Variants in TRAPPC9 observed in about 807,000 individuals in gnomAD.
TRAPPC9 encodes the protein IKK2 binding protein.
Under a neutral mutation model 124.0 loss-of-function variants are expected in TRAPPC9, and 83 were observed. That is an observed-to-expected ratio of 0.67 (90% confidence interval 0.56 to 0.80). The LOEUF (loss-of-function observed/expected upper bound fraction) is 0.80. Ranked by LOEUF, TRAPPC9 falls within the 30% of genes least tolerant of loss-of-function variation. TRAPPC9 has a pLI of 0.00. For missense variants in TRAPPC9, 1,302 were observed against 1,508.3 expected, an observed-to-expected ratio of 0.86 and a Z score of 2.27; for synonymous variants, 638 against 617.5, an observed-to-expected ratio of 1.03 and a Z score of -0.49.
At chr8:140,057,428 A>G (rs1489305391) in intron 17 of TRAPPC9, among the ~76,000 whole-genome samples, 1 of 152,262 alleles carries the variant, frequency 6.6e-6, no homozygotes, top group African/African-American at 2.4e-5. Flanking sequence ...CAAGAGGTAG[A>G]AACAACCTCA....
chr8:140,369,161 G>A lies in TRAPPC9; in HGVS notation c.1351+1803C>T, dbSNP rs138156803. Among the ~76,000 whole-genome samples the A allele has an allele frequency of 3.3e-4, 51 of 152,334 alleles. No individual in the cohort carries two copies. The East Asian group carries it at 9.4e-3, about 28-fold the overall frequency. ...CGAAGCTAACCAGAATGCATCCTGA[G>A]AATCGGATTTGAGGTTCTATCAAAT... is the stretch of plus-strand genomic sequence containing the variant. On this transcript the variant is annotated intron_variant, in intron 8 of 22. Transcript: ENST00000438773.
At chr8:140,319,871 G>T (rs990560952) in intron 9 of TRAPPC9, among the ~76,000 whole-genome samples, 1 of 152,114 alleles carries the variant, frequency 6.6e-6, no homozygotes, top group South Asian at 2.1e-4. Context: ...AATGATTTAC[G>T]GCCATTTAAA....
intron 17 of TRAPPC9, among the ~76,000 whole-genome samples, chr8:140,038,083 C>T (rs1299637482): frequency 1.3e-5 from 2 of 151,436 alleles, no homozygotes; most frequent in Non-Finnish European, 2.9e-5. Flanking sequence ...TCAGTTTAGA[C>T]ACAACCTCTC....
intron 21 of TRAPPC9, among the ~76,000 whole-genome samples, chr8:139,835,153 A>T (rs1162320492): frequency 6.6e-6 from 1 of 152,174 alleles, no homozygotes; most frequent in Non-Finnish European, 1.5e-5. Context: ...GGAGCCTTGG[A>T]CTAGAGCACT....
chr8:139,914,534 G>A (rs77850296), intron 19 of TRAPPC9, among the ~76,000 whole-genome samples: 1,801 of 152,284 alleles, frequency 0.012, 37 homozygotes, highest in African/African-American at 0.041. Context: ...TGCCCAGCTC[G>A]GCTTGGAGGT....
rs1370641646 is a variant in TRAPPC9 at position 139,962,910 on chromosome 8, C to T, written c.2810+25816G>A. Reference sequence around the variant, plus strand: ...AAGGAGTGCAGGGGCCTCAGGAAGCCGGAGGAGCAAGGGAACAGATTCCCC... The same window carrying T: ...AAGGAGTGCAGGGGCCTCAGGAAGCTGGAGGAGCAAGGGAACAGATTCCCC... On this transcript the variant is annotated intron_variant, in intron 19 of 22. Transcript: ENST00000438773. Among the ~76,000 whole-genome samples the T allele has an allele frequency of 2.0e-5, 3 of 152,206 alleles. 1 individual carries two copies. The highest frequency in any genetic ancestry group is 4.2e-4 in the South Asian group (2 of 4,810).
intron 8 of TRAPPC9, among the ~76,000 whole-genome samples, chr8:140,361,078 C>A (rs1563973611): frequency 6.6e-6 from 1 of 152,206 alleles, no homozygotes; most frequent in Non-Finnish European, 1.5e-5. Flanking sequence ...GCTCTGATAA[C>A]CAACCACACA....
At position 139,728,591 on chromosome 8, in the gene TRAPPC9, C is replaced by T. The variant is rs1213130618; in HGVS notation, c.*2470G>A. 1.3e-5 allele frequency among the ~76,000 whole-genome samples: 2 copies of T among 152,316 alleles called. No individual in the cohort carries two copies. Among genetic ancestry groups the T allele is most frequent in the African/African-American group, 4.8e-5 (2 of 41,574 alleles). ...GCCACAGAAATGCCAGCAAACAACACCCCTGGCTCCCCACATCCCACGGTA... is the reference window on the plus strand; with the variant it reads ...GCCACAGAAATGCCAGCAAACAACATCCCTGGCTCCCCACATCCCACGGTA... On this transcript the variant is annotated 3_prime_UTR_variant, in exon 23 of 23. Coordinates refer to ENST00000438773, the MANE Select transcript of TRAPPC9 (RefSeq NM_001160372.4).
chr8:140,258,655 T>A (rs560474215), intron 15 of TRAPPC9, among the ~76,000 whole-genome samples: 2 of 152,344 alleles, frequency 1.3e-5, no homozygotes, highest in South Asian at 4.1e-4. Flanking sequence ...TAACATTATA[T>A]AAATATGCAC....
rs60720377 is a variant in TRAPPC9, at chr8:140,427,379, T to TCACA, written c.860-742_860-739dup. On this transcript the variant is annotated intron_variant, in intron 4 of 22. Transcript: ENST00000438773. The stretch of plus-strand genomic sequence containing the variant: ...ATCTCTCTATATATATATCTCTCTC[T>TCACA]CACACACACACACACACACACACAC... Among the ~76,000 whole-genome samples, 1,084 of 148,524 alleles carry TCACA rather than the reference T, an allele frequency of 7.3e-3. 10 individuals are homozygous for TCACA. Among genetic ancestry groups the TCACA allele is most frequent in the Middle Eastern group, 0.035 (10 of 286 alleles).
chr8:139,880,532 C>G (rs562716476), intron 21 of TRAPPC9, among the ~76,000 whole-genome samples: 1 of 152,326 alleles, frequency 6.6e-6, no homozygotes, highest in Admixed American at 6.5e-5. Flanking sequence ...ACTCCCCACC[C>G]TCCTCACAGG....
At chr8:139,988,478 G>T (rs1837402015) in intron 19 of TRAPPC9, among the ~76,000 whole-genome samples, 1 of 152,042 alleles carries the variant, frequency 6.6e-6, no homozygotes. Flanking sequence ...CCTCAAATGT[G>T]GGCTCTGAAA....
chr8:140,277,484 C>A (rs1214300082), intron 14 of TRAPPC9, among the ~76,000 whole-genome samples: 3 of 152,192 alleles, frequency 2.0e-5, no homozygotes, highest in African/African-American at 7.2e-5. Context: ...GAGAAGGTAT[C>A]GGAAAAACAT....
chr8:140,031,491 T>C (rs908908475), intron 17 of TRAPPC9, among the ~76,000 whole-genome samples: 15 of 152,232 alleles, frequency 9.9e-5, no homozygotes, highest in African/African-American at 2.7e-4. Context: ...AAGACCTCAA[T>C]TGAACCTGTC....
At chr8:140,309,853 T>C (rs1468149024) in intron 10 of TRAPPC9, among the ~76,000 whole-genome samples, 4 of 152,176 alleles carry the variant, frequency 2.6e-5, no homozygotes, top group Non-Finnish European at 5.9e-5. Flanking sequence ...CAAGTCCCTC[T>C]GGACATTCTG....
At chr8:139,938,226 C>T (rs7011240) in intron 19 of TRAPPC9, among the ~76,000 whole-genome samples, 24,264 of 152,242 alleles carry the variant, frequency 0.16, 2,175 homozygotes, top group South Asian at 0.24. Flanking sequence ...TCAACTCAGC[C>T]GTCCCTATGC....
At chr8:139,812,081 T>C (rs1824483085) in intron 21 of TRAPPC9, among the ~76,000 whole-genome samples, 3 of 152,170 alleles carry the variant, frequency 2.0e-5, no homozygotes, top group Admixed American at 2.0e-4. Flanking sequence ...AGATATCTCC[T>C]GGAACCACGC....
intron 17 of TRAPPC9, among the ~76,000 whole-genome samples, chr8:140,156,957 TC>T (rs1461865550): frequency 3.6e-5 from 5 of 139,030 alleles, no homozygotes; most frequent in South Asian, 4.6e-4. Context: ...TTCAAAAGCC[TC>T]CCTTTTCCAT....
chr8:140,220,386 C>T (rs1051713698), intron 17 of TRAPPC9, among the ~76,000 whole-genome samples: 6 of 152,184 alleles, frequency 3.9e-5, no homozygotes. Flanking sequence ...TTCTCCCACA[C>T]CAGTCCCCTT....
Sources: allele counts gnomAD v4.1 joint callset (sites outside exome capture counted in the v4.1 genomes callset), GRCh38; gene constraint gnomAD v4.1.1; transcripts MANE v1.5; gene names NCBI Gene and HGNC (gene_info 2026-07-23, HGNC 2026-07-21).